PLAA: variants seen among roughly 807,000 people sequenced by gnomAD.
PLAA encodes the protein phospholipase A2 activating protein.
Under a neutral mutation model 84.1 loss-of-function variants are expected in PLAA, and 48 were observed. That is an observed-to-expected ratio of 0.57 (90% CI 0.45 to 0.73). PLAA has a LOEUF of 0.73. Among genes scored for constraint, PLAA ranks in the 30% least tolerant of loss-of-function variants. The pLI is 0.00. For missense variants in PLAA, 903 were observed against 954.7 expected (o/e 0.95, Z 0.71); for synonymous variants, 392 against 336.6 (o/e 1.16, Z -1.80).
At chr9:26,936,240 C>A (rs1825353867) in intron 1 of PLAA, among the ~76,000 whole-genome samples, 1 of 148,450 alleles carries the variant, frequency 6.7e-6, no homozygotes. Flanking sequence ...CCCACAAGGC[C>A]AAGGAGAATG....
chr9:26,937,032 T>C (rs1035877791), intron 1 of PLAA, among the ~76,000 whole-genome samples: 1 of 151,914 alleles, frequency 6.6e-6, no homozygotes, highest in Non-Finnish European at 1.5e-5. Flanking sequence ...TTCCAGCTAC[T>C]TGGGAGGCCG....
intron 10 of PLAA, among the ~76,000 whole-genome samples, chr9:26,914,707 A>G (rs1414274158): frequency 2.0e-5 from 3 of 151,144 alleles, no homozygotes; most frequent in Non-Finnish European, 4.4e-5. Flanking sequence ...TATAGATACC[A>G]TTATAATTCA....
Position 26,947,171 on chromosome 9 carries a change from G to C in PLAA, c.-126C>G. The C allele has an allele frequency of 1.8e-6, 2 of 1,135,948 alleles. No individual in the cohort carries two copies. Among genetic ancestry groups the C allele is most frequent in the Non-Finnish European group, 2.4e-6 (2 of 846,888 alleles). The allele number at this position is 1,135,948 out of a possible 1,614,324, so 70.4% of individuals were successfully genotyped here. On this transcript the variant is annotated 5_prime_UTR_variant, in exon 1 of 14. Coordinates refer to ENST00000397292, the MANE Select transcript of PLAA (RefSeq NM_001031689.3). ...GGTAAGGGGCGGCCGGAGACCGGAA[G>C]AGCCCGAGAGCCGGTACGGAAGGGC...
intron 2 of PLAA, among the ~76,000 whole-genome samples, chr9:26,931,202 G>A (rs1188426951): frequency 1.3e-5 from 2 of 151,014 alleles, no homozygotes; most frequent in Non-Finnish European, 2.9e-5. Context: ...CTGCAAACCA[G>A]TAAATAAATT....
intron 1 of PLAA, among the ~76,000 whole-genome samples, chr9:26,941,784 G>A (rs1485912435): frequency 2.7e-5 from 4 of 149,966 alleles, no homozygotes; most frequent in Non-Finnish European, 5.9e-5. Flanking sequence ...GAGAAATTTA[G>A]AAAGCAAGTT....
At chr9:26,943,913 C>G (rs1460870188) in intron 1 of PLAA, among the ~76,000 whole-genome samples, 1 of 152,096 alleles carries the variant, frequency 6.6e-6, no homozygotes, top group African/African-American at 2.4e-5. Flanking sequence ...GTGATCATGC[C>G]ATTGCATTCC....
At chr9:26,913,151 CA>C (rs1824448242) in intron 11 of PLAA, among the ~76,000 whole-genome samples, 1 of 152,100 alleles carries the variant, frequency 6.6e-6, no homozygotes, top group African/African-American at 2.4e-5. Flanking sequence ...ATATGTTACT[CA>C]ATTTCTCTCA....
At chr9:26,924,749 A>G (rs1824885348) in intron 6 of PLAA, among the ~76,000 whole-genome samples, 1 of 152,062 alleles carries the variant, frequency 6.6e-6, no homozygotes, top group Non-Finnish European at 1.5e-5. Flanking sequence ...CTTTTTCTCT[A>G]CTAATGGTAT....
chr9:26,936,867 A>C (rs775855892), intron 1 of PLAA, among the ~76,000 whole-genome samples: 7 of 152,166 alleles, frequency 4.6e-5, no homozygotes, highest in Non-Finnish European at 8.8e-5. Context: ...CCGGCCGGGC[A>C]CAGTGGCTCA....
chr9:26,917,292 G>T, intron 9 of PLAA, 127 bp from the exon 10 acceptor site: 1 of 675,388 alleles, frequency 1.5e-6, no homozygotes, highest in Non-Finnish European at 2.6e-6. Context: ...TCACATGATA[G>T]AATGACAGAA....
rs1825749249 is a variant in PLAA, at chr9:26,946,963, G to A, written c.83C>T (p.Ala28Val). Residue 28 changes from alanine to valine, a missense_variant, in exon 1 of 14, where the codon GCC becomes GTC. By Grantham distance (64) the Ala-to-Val change is moderately conservative (BLOSUM62 0). Transcript: ENST00000397292. ...ELDVRGLVCC[A>V]YPPGAFVSVS... ...GGACACAAAGGCTCCCGGCGGATAG[G>A]CGCAGCACACCAGGCCCCGTACGTC... The A allele has an allele frequency of 1.9e-6, 3 of 1,590,518 alleles. No individual in the cohort carries two copies. The highest frequency in any genetic ancestry group is 8.6e-7 in the Non-Finnish European group (1 of 1,168,750).
intron 1 of PLAA, among the ~76,000 whole-genome samples, chr9:26,942,848 C>T (rs925489271): frequency 8.1e-5 from 11 of 135,646 alleles, no homozygotes; most frequent in African/African-American, 2.8e-4. Flanking sequence ...CACTGCACTC[C>T]GGCCTGGGCG....
rs996107852 is a variant in PLAA at position 26,904,156 on chromosome 9, A to C, written c.*1355T>G. ...TTGCTCATTTCCTTTTGATATTCCA[A>C]AAGTTCTTACTTGGGTTACTCTTGA... On this transcript the variant is annotated 3_prime_UTR_variant, in exon 14 of 14. Transcript: ENST00000397292. The C allele has an allele frequency of 2.0e-5, 3 of 152,284 alleles. No individual in the cohort carries two copies. Among genetic ancestry groups the C allele is most frequent in the African/African-American group, 7.2e-5 (3 of 41,420 alleles). The allele number at this position is 152,284 out of a possible 1,614,324, so 9.4% of individuals were successfully genotyped here.
intron 2 of PLAA, among the ~76,000 whole-genome samples, chr9:26,933,272 A>G (rs1039969101): frequency 1.3e-5 from 2 of 151,086 alleles, no homozygotes; most frequent in Non-Finnish European, 1.5e-5. Context: ...GTCTAAAAAA[A>G]AAAAAACCAT....
chr9:26,926,796 A>C (rs1824981868), intron 4 of PLAA, among the ~76,000 whole-genome samples: 2 of 151,934 alleles, frequency 1.3e-5, no homozygotes, highest in Admixed American at 1.3e-4. Context: ...TTCTCCAAAA[A>C]CCTCCAGAAA....
chr9:26,930,106 A>ATTT (rs746808419), intron 2 of PLAA, among the ~76,000 whole-genome samples: 81 of 140,168 alleles, frequency 5.8e-4, no homozygotes, highest in African/African-American at 1.7e-3. Context: ...TATTATTATT[A>ATTT]TTTTTTTTTT....
intron 1 of PLAA, among the ~76,000 whole-genome samples, chr9:26,936,961 T>C (rs1010655299): frequency 1.3e-5 from 2 of 151,966 alleles, no homozygotes; most frequent in East Asian, 1.9e-4. Context: ...GCCAACATGG[T>C]GAAACCCCGT....
intron 12 of PLAA, among the ~76,000 whole-genome samples, chr9:26,909,066 C>T (rs1352449060): frequency 6.6e-6 from 1 of 152,112 alleles, no homozygotes; most frequent in East Asian, 1.9e-4. Context: ...TCAAATCCTT[C>T]GCATGTATCT....
At chr9:26,924,732 C>T (rs1563912851) in intron 6 of PLAA, among the ~76,000 whole-genome samples, 1 of 152,214 alleles carries the variant, frequency 6.6e-6, no homozygotes, top group African/African-American at 2.4e-5. Flanking sequence ...GTTTAACCTA[C>T]TAACTTCTTT....
Sources: gnomAD v4.1 joint callset for allele counts (sites outside exome capture counted in the v4.1 genomes callset) on GRCh38, gnomAD v4.1.1 for gene constraint, MANE v1.5 for transcripts, NCBI Gene and HGNC (gene_info 2026-07-23, HGNC 2026-07-21) for gene names.